PRKD1: variants seen among roughly 807,000 people sequenced by gnomAD.
PRKD1 encodes the protein serine/threonine-protein kinase D1.
Under a neutral mutation model 95.9 loss-of-function variants are expected in PRKD1, and 63 were observed. The observed-to-expected ratio is 0.66, with a 90% CI of 0.54 to 0.81. PRKD1 has a LOEUF of 0.81. Among genes scored for constraint, PRKD1 ranks in the 30% least tolerant of loss-of-function variants. PRKD1 has a pLI of 0.00. For synonymous variants in PRKD1, 425 were observed against 423.1 expected, an observed-to-expected ratio of 1.00 and a Z score of -0.05; for missense variants, 1,048 against 1,165.3, an observed-to-expected ratio of 0.90 and a Z score of 1.47.
chr14:29,578,592 T>C (rs1428838622), intron 16 of PRKD1, among the ~76,000 whole-genome samples: 2 of 148,208 alleles, frequency 1.3e-5, no homozygotes, highest in South Asian at 2.2e-4. Context: ...GAAGTAATTA[T>C]GGAAGAAGTA....
chr14:29,853,237 C>T (rs908653092), intron 1 of PRKD1, among the ~76,000 whole-genome samples: 3 of 152,078 alleles, frequency 2.0e-5, no homozygotes, highest in African/African-American at 7.2e-5. Flanking sequence ...TTATATGAAG[C>T]AAAAACTGAC....
intron 1 of PRKD1, among the ~76,000 whole-genome samples, chr14:29,827,747 G>T (rs1891254803): frequency 6.6e-6 from 1 of 152,234 alleles, no homozygotes; most frequent in South Asian, 2.1e-4. Flanking sequence ...CCATTCCAGA[G>T]TGGAATTATT....
At chr14:29,894,877 T>A (rs530129519) in intron 1 of PRKD1, among the ~76,000 whole-genome samples, 3 of 152,342 alleles carry the variant, frequency 2.0e-5, no homozygotes, top group African/African-American at 7.2e-5. Context: ...TCTCACAAGA[T>A]CTTTACTAAA....
chr14:29,832,358 T>C (rs188562440), intron 1 of PRKD1, among the ~76,000 whole-genome samples: 5 of 152,338 alleles, frequency 3.3e-5, no homozygotes, highest in Admixed American at 3.3e-4. Flanking sequence ...TCCTTTTCTT[T>C]AAATTAGTTT....
chr14:29,898,382 GGTAA>G, intron 1 of PRKD1, among the ~76,000 whole-genome samples: 1 of 152,028 alleles, frequency 6.6e-6, no homozygotes, highest in East Asian at 1.9e-4. Context: ...TCAGTAGAAT[GGTAA>G]GTAAGTTCTT....
intron 11 of PRKD1, among the ~76,000 whole-genome samples, chr14:29,628,795 G>C (rs967266618): frequency 6.6e-6 from 1 of 152,032 alleles, no homozygotes; most frequent in Non-Finnish European, 1.5e-5. Flanking sequence ...GAGAAATCAG[G>C]CATCACATTA....
intron 2 of PRKD1, among the ~76,000 whole-genome samples, chr14:29,721,094 AT>A (rs1017484739): frequency 1.3e-5 from 2 of 152,144 alleles, no homozygotes; most frequent in African/African-American, 4.8e-5. Flanking sequence ...CTTCTAAAAT[AT>A]TTTTGACCTC....
intron 1 of PRKD1, among the ~76,000 whole-genome samples, chr14:29,910,047 C>T (rs974476298): frequency 6.6e-6 from 1 of 152,172 alleles, no homozygotes; most frequent in Non-Finnish European, 1.5e-5. Context: ...GCAGTGGCAA[C>T]CTGCTGGGGT....
At chr14:29,868,765 T>C (rs918351224) in intron 1 of PRKD1, among the ~76,000 whole-genome samples, 14 of 152,214 alleles carry the variant, frequency 9.2e-5, no homozygotes, top group African/African-American at 3.1e-4. Context: ...TTCTTTTGCT[T>C]TGCAAATGTT....
intron 2 of PRKD1, among the ~76,000 whole-genome samples, chr14:29,699,659 A>T (rs1358150393): frequency 2.0e-5 from 3 of 152,184 alleles, no homozygotes; most frequent in Non-Finnish European, 4.4e-5. Context: ...GTAGGTTTGA[A>T]TAGGGCAATG....
At chr14:29,693,910 G>T (rs568321435) in intron 2 of PRKD1, among the ~76,000 whole-genome samples, 123 of 152,290 alleles carry the variant, frequency 8.1e-4, no homozygotes, top group Non-Finnish European at 1.5e-3. Context: ...TCCATAGGCA[G>T]AGCCAAAATC....
At chr14:29,670,308 C>T (rs1882764050) in intron 2 of PRKD1, among the ~76,000 whole-genome samples, 2 of 151,918 alleles carry the variant, frequency 1.3e-5, no homozygotes, top group South Asian at 4.2e-4. Context: ...ATTTATAATA[C>T]CAAATGCAGG....
intron 2 of PRKD1, among the ~76,000 whole-genome samples, chr14:29,688,857 C>T (rs1014096511): frequency 2.8e-5 from 4 of 142,456 alleles, no homozygotes; most frequent in East Asian, 2.3e-4. Flanking sequence ...TGTGTGAACC[C>T]GGGAGGTGGA....
intron 16 of PRKD1, among the ~76,000 whole-genome samples, chr14:29,583,826 T>C (rs1468780521): frequency 6.6e-6 from 1 of 152,032 alleles, no homozygotes; most frequent in East Asian, 1.9e-4. Flanking sequence ...CTACAAATTA[T>C]AAAAAAAATT....
At chr14:29,787,916 T>G (rs1889347903) in intron 1 of PRKD1, among the ~76,000 whole-genome samples, 1 of 152,164 alleles carries the variant, frequency 6.6e-6, no homozygotes, top group South Asian at 2.1e-4. Flanking sequence ...ATTCCTTTAT[T>G]CCTCTTTCAT....
intron 1 of PRKD1, among the ~76,000 whole-genome samples, chr14:29,905,611 C>G (rs1894469294): frequency 6.6e-6 from 1 of 152,138 alleles, no homozygotes; most frequent in East Asian, 1.9e-4. Flanking sequence ...ATCTCAGAAG[C>G]AAGACAGCTT....
At chr14:29,858,418 A>G (rs1392450437) in intron 1 of PRKD1, among the ~76,000 whole-genome samples, 1 of 152,200 alleles carries the variant, frequency 6.6e-6, no homozygotes, top group Non-Finnish European at 1.5e-5. Context: ...ATGTCTCTAT[A>G]AGACCTTTGA....
intron 1 of PRKD1, among the ~76,000 whole-genome samples, chr14:29,752,874 T>C (rs1373780421): frequency 1.3e-5 from 2 of 152,130 alleles, no homozygotes; most frequent in South Asian, 2.1e-4. Context: ...TGCTGAAATA[T>C]GTGCATGAAA....
intron 1 of PRKD1, among the ~76,000 whole-genome samples, chr14:29,892,796 T>A (rs1348809643): frequency 1.3e-5 from 2 of 152,210 alleles, no homozygotes; most frequent in African/African-American, 2.4e-5. Flanking sequence ...TAGTCACTCA[T>A]CAAAAGGGAG....
Sources: allele counts gnomAD v4.1 joint callset (sites outside exome capture counted in the v4.1 genomes callset), GRCh38; gene constraint gnomAD v4.1.1; transcripts MANE v1.5; gene names NCBI Gene and HGNC (gene_info 2026-07-23, HGNC 2026-07-21).